The following PCDH9 variants were observed in gnomAD, a reference collection of about 807,000 sequenced individuals.
The protein encoded by PCDH9 is protocadherin-9.
In PCDH9, 24 loss-of-function variants were observed where a neutral mutation model predicts 70.6. The observed-to-expected ratio is 0.34, with a 90% CI of 0.25 to 0.48. The LOEUF is 0.48. Among genes scored for constraint, PCDH9 ranks in the 20% least tolerant of loss-of-function variants. The probability of loss-of-function intolerance (pLI) is 0.99; values close to 1 mark genes in which losing one functional copy is unlikely to be tolerated. For missense variants in PCDH9, 1,281 were observed against 1,503.6 expected (o/e 0.85, Z 2.45); for synonymous variants, 562 against 558.5 (o/e 1.01, Z -0.09).
chr13:66,535,369 G>A (rs1960653405), intron 4 of PCDH9, among the ~76,000 whole-genome samples: 1 of 151,878 alleles, frequency 6.6e-6, no homozygotes, highest in Non-Finnish European at 1.5e-5. Context: ...GAGTATCACT[G>A]CAACCTCTTT....
intron 2 of PCDH9, among the ~76,000 whole-genome samples, chr13:66,973,576 T>C (rs575930548): frequency 6.6e-6 from 1 of 152,028 alleles, no homozygotes; most frequent in South Asian, 2.1e-4. Flanking sequence ...GTTTAAAAAA[T>C]AAAACGTGAA....
At position 67,123,978 on chromosome 13, in the gene PCDH9, TAAAG is replaced by T. The variant is rs773349196; in HGVS notation, c.3036+101423_3036+101426del. Among the ~76,000 whole-genome samples the T allele has an allele frequency of 4.6e-5, 7 of 152,118 alleles. No homozygotes were observed. In the East Asian group the frequency reaches 7.7e-4, roughly 17 times the overall value. ...TTAATTCACAAAATATCTGAAGAGT[TAAAG>T]AAAGAATAACAAAAATGCTTGCTAT... On this transcript the variant is annotated intron_variant, in intron 2 of 4. Transcript: ENST00000377865.
intron 3 of PCDH9, chr13:66,886,046 C>A (rs1355824333): frequency 1.3e-5 from 2 of 152,134 alleles, no homozygotes; most frequent in African/African-American, 2.4e-5. Context: ...TCGATTTTCA[C>A]ACCACGTTTC....
At chr13:67,162,720 G>T (rs904001112) in intron 2 of PCDH9, among the ~76,000 whole-genome samples, 1 of 151,842 alleles carries the variant, frequency 6.6e-6, no homozygotes, top group Non-Finnish European at 1.5e-5. Context: ...TTCCACATCA[G>T]AGAAAAAGGA....
intron 4 of PCDH9, among the ~76,000 whole-genome samples, chr13:66,438,139 C>A (rs893148011): frequency 6.6e-6 from 1 of 150,792 alleles, no homozygotes; most frequent in Non-Finnish European, 1.5e-5. Context: ...GAGGCTGAGG[C>A]GGGATAATTG....
At chr13:66,865,302 G>A (rs2081554399) in intron 3 of PCDH9, among the ~76,000 whole-genome samples, 1 of 152,074 alleles carries the variant, frequency 6.6e-6, no homozygotes, top group Non-Finnish European at 1.5e-5. Flanking sequence ...CCTCACAAGA[G>A]AATACTAATA....
intron 3 of PCDH9, among the ~76,000 whole-genome samples, chr13:66,743,494 TA>T (rs67661788): frequency 0.42 from 60,114 of 144,412 alleles, 12,257 homozygotes; most frequent in East Asian, 0.58. Context: ...TAAAGTATAA[TA>T]AAAAAAAAAA....
At position 66,304,381 on chromosome 13, in the gene PCDH9, C is replaced by A; in HGVS notation, c.*274G>T. On this transcript the variant is annotated 3_prime_UTR_variant, in exon 5 of 5. Coordinates refer to ENST00000377865, the MANE Select transcript of PCDH9 (RefSeq NM_203487.3). ...ATATTCTATTGTTCATAGCAGCAGT[C>A]CAGGGTCAAAATAAAATGCAATAAT... 3 of 331,044 alleles carry A rather than the reference C, an allele frequency of 9.1e-6. No homozygotes were observed. The highest frequency in any genetic ancestry group is 1.7e-5 in the Non-Finnish European group (3 of 179,938). The allele number at this position is 331,044 out of a possible 1,614,324, so 20.5% of individuals were successfully genotyped here.
chr13:66,697,152 C>T (rs1349764176), intron 3 of PCDH9, among the ~76,000 whole-genome samples: 1 of 152,036 alleles, frequency 6.6e-6, no homozygotes, highest in Non-Finnish European at 1.5e-5. Flanking sequence ...TAAAAGGCCC[C>T]AATGTGCTTA....
At chr13:66,840,063 G>A (rs540582767) in intron 3 of PCDH9, among the ~76,000 whole-genome samples, 1 of 152,168 alleles carries the variant, frequency 6.6e-6, no homozygotes, top group South Asian at 2.1e-4. Context: ...CCTAGGATGT[G>A]GTCAATTCCC....
chr13:66,690,906 C>T (rs1480184328), intron 3 of PCDH9, among the ~76,000 whole-genome samples: 1 of 152,156 alleles, frequency 6.6e-6, no homozygotes, highest in Non-Finnish European at 1.5e-5. Context: ...TCATGAACTG[C>T]CAGCAGTGTC....
intron 3 of PCDH9, among the ~76,000 whole-genome samples, chr13:66,766,797 A>G (rs2079724600): frequency 6.6e-6 from 1 of 152,036 alleles, no homozygotes; most frequent in African/African-American, 2.4e-5. Context: ...TTGACTGTAT[A>G]AAACAGCAAG....
intron 3 of PCDH9, among the ~76,000 whole-genome samples, chr13:66,842,649 C>A (rs1594134663): frequency 1.3e-5 from 2 of 152,142 alleles, no homozygotes; most frequent in Non-Finnish European, 2.9e-5. Context: ...GACAAAATAG[C>A]ATCAATTTTT....
intron 4 of PCDH9, among the ~76,000 whole-genome samples, chr13:66,431,272 G>A (rs1396738777): frequency 6.6e-6 from 1 of 151,942 alleles, no homozygotes; most frequent in African/African-American, 2.4e-5. Flanking sequence ...CTATGTGTAA[G>A]AAATAATACA....
intron 2 of PCDH9, among the ~76,000 whole-genome samples, chr13:67,187,076 C>T (rs2088778162): frequency 6.6e-6 from 1 of 152,166 alleles, no homozygotes; most frequent in African/African-American, 2.4e-5. Context: ...TGCATTAAGC[C>T]TTTCTCTGTA....
At chr13:66,730,894 T>TTG (rs2079069604) in intron 3 of PCDH9, among the ~76,000 whole-genome samples, 2 of 96,802 alleles carry the variant, frequency 2.1e-5, no homozygotes, top group African/African-American at 3.7e-5. Context: ...TTTGTTTGTT[T>TTG]CTTTTTTTTT....
At chr13:66,775,940 C>T (rs1189899818) in intron 3 of PCDH9, among the ~76,000 whole-genome samples, 5 of 152,062 alleles carry the variant, frequency 3.3e-5, no homozygotes, top group African/African-American at 1.2e-4. Context: ...TACAAGGGTG[C>T]CTATTATCAA....
At chr13:66,650,383 A>G (rs1431261054) in intron 3 of PCDH9, among the ~76,000 whole-genome samples, 2 of 152,014 alleles carry the variant, frequency 1.3e-5, no homozygotes, top group Non-Finnish European at 2.9e-5. Flanking sequence ...GATGCAGAAG[A>G]GCATTATATA....
intron 4 of PCDH9, among the ~76,000 whole-genome samples, chr13:66,535,286 C>T (rs1269777252): frequency 6.6e-6 from 1 of 151,562 alleles, no homozygotes; most frequent in Non-Finnish European, 1.5e-5. Flanking sequence ...AGCTATTTAC[C>T]ACTAGATTGG....
Sources: gnomAD v4.1 joint callset for allele counts (sites outside exome capture counted in the v4.1 genomes callset) on GRCh38, gnomAD v4.1.1 for gene constraint, MANE v1.5 for transcripts, NCBI Gene and HGNC (gene_info 2026-07-23, HGNC 2026-07-21) for gene names.